Variants in ADAMTS19 observed in about 807,000 individuals in gnomAD.
ADAMTS19 encodes the protein A disintegrin and metalloproteinase with thrombospondin motifs 19.
Under a neutral mutation model 153.3 loss-of-function variants are expected in ADAMTS19, and 93 were observed. The observed-to-expected ratio is 0.61, with a 90% CI of 0.51 to 0.72. The LOEUF is 0.72. ADAMTS19 is among the 30% of genes least tolerant of loss of function. ADAMTS19 has a pLI of 0.00. For missense variants in ADAMTS19, 1,482 were observed against 1,552.1 expected (o/e 0.95, Z 0.76); for synonymous variants, 600 against 556.6 (o/e 1.08, Z -1.10).
chr5:129,523,440 G>A (rs114908248), intron 3 of ADAMTS19, among the ~76,000 whole-genome samples: 1,648 of 152,280 alleles, frequency 0.011, 17 homozygotes, highest in Non-Finnish European at 0.016. Flanking sequence ...TAGCAGCTTA[G>A]AGACATCAAC....
intron 2 of ADAMTS19, among the ~76,000 whole-genome samples, chr5:129,487,674 T>C (rs1286987708): frequency 6.6e-6 from 1 of 152,112 alleles, no homozygotes; most frequent in East Asian, 1.9e-4. Context: ...TGTAAGATAA[T>C]GAACACGTTG....
At chr5:129,548,151 C>T in intron 6 of ADAMTS19, among the ~76,000 whole-genome samples, 2 of 150,406 alleles carry the variant, frequency 1.3e-5, no homozygotes, top group Non-Finnish European at 2.9e-5. Flanking sequence ...AAAGCAATGG[C>T]AACAAAAGCC....
intron 3 of ADAMTS19, among the ~76,000 whole-genome samples, chr5:129,518,736 G>C (rs1359632132): frequency 2.6e-5 from 4 of 151,842 alleles, no homozygotes; most frequent in Admixed American, 2.6e-4. Context: ...CTTTTTCTAG[G>C]TTTGGGAAGT....
chr5:129,574,283 C>T (rs943485194), intron 7 of ADAMTS19, among the ~76,000 whole-genome samples: 13 of 151,876 alleles, frequency 8.6e-5, no homozygotes, highest in African/African-American at 1.9e-4. Context: ...ACTTTTTTTT[C>T]GGCATTTTTT....
intron 2 of ADAMTS19, among the ~76,000 whole-genome samples, chr5:129,474,575 A>G (rs1162327967): frequency 6.6e-6 from 1 of 152,160 alleles, no homozygotes; most frequent in African/African-American, 2.4e-5. Flanking sequence ...TTTATATACC[A>G]CAAAAATCTC....
At chr5:129,682,758 A>ATGTGTTACGCATT (rs1754880886) in intron 17 of ADAMTS19, among the ~76,000 whole-genome samples, 1 of 152,154 alleles carries the variant, frequency 6.6e-6, no homozygotes, top group South Asian at 2.1e-4. Context: ...AGTACACTGT[A>ATGTGTTACGCATT]TGTGTTACGC....
intron 8 of ADAMTS19, among the ~76,000 whole-genome samples, chr5:129,603,913 A>G (rs1011677863): frequency 2.6e-5 from 4 of 152,208 alleles, no homozygotes; most frequent in Non-Finnish European, 5.9e-5. Flanking sequence ...GAGTTCTTCT[A>G]GCTAACTTTA....
intron 3 of ADAMTS19, among the ~76,000 whole-genome samples, chr5:129,524,417 C>T (rs543940895): frequency 2.6e-5 from 4 of 152,166 alleles, no homozygotes; most frequent in East Asian, 1.9e-4. Flanking sequence ...ATGACTAAAA[C>T]GCCAAAAGCA....
chr5:129,471,450 AGAAG>A (rs141743571), intron 2 of ADAMTS19, among the ~76,000 whole-genome samples: 1,839 of 146,608 alleles, frequency 0.013, 27 homozygotes, highest in African/African-American at 0.035. Context: ...AGAAAGAAAA[AGAAG>A]GAAGGAAGGA....
At chr5:129,664,303 G>A (rs1753940098) in intron 15 of ADAMTS19, among the ~76,000 whole-genome samples, 1 of 152,120 alleles carries the variant, frequency 6.6e-6, no homozygotes, top group African/African-American at 2.4e-5. Context: ...TAAGCTCACT[G>A]AGGGTAGAGA....
chr5:129,529,347 G>A (rs765611713), intron 6 of ADAMTS19, among the ~76,000 whole-genome samples: 3 of 152,188 alleles, frequency 2.0e-5, no homozygotes, highest in East Asian at 1.9e-4. Context: ...TCACAGTAGC[G>A]TAAATTACAC....
chr5:129,700,354 C>T (rs1755775885), intron 19 of ADAMTS19, among the ~76,000 whole-genome samples: 1 of 152,078 alleles, frequency 6.6e-6, no homozygotes, highest in Non-Finnish European at 1.5e-5. Flanking sequence ...CATATCAAAG[C>T]TAGACATTGG....
chr5:129,576,148 GT>G (rs1193220066), intron 7 of ADAMTS19, among the ~76,000 whole-genome samples: 2 of 151,938 alleles, frequency 1.3e-5, no homozygotes, highest in East Asian at 3.9e-4. Flanking sequence ...TTTGGAATGT[GT>G]TCTTTACTAT....
chr5:129,468,673 A>G (rs1749960016), intron 2 of ADAMTS19, among the ~76,000 whole-genome samples: 1 of 152,076 alleles, frequency 6.6e-6, no homozygotes, highest in Non-Finnish European at 1.5e-5. Context: ...TTATCTTAAT[A>G]TAGTTGTAAT....
At chr5:129,555,504 G>A (rs1208487319) in intron 7 of ADAMTS19, among the ~76,000 whole-genome samples, 1 of 152,086 alleles carries the variant, frequency 6.6e-6, no homozygotes, top group Non-Finnish European at 1.5e-5. Context: ...TTAAATCAGG[G>A]CTATGCTACT....
chr5:129,474,821 T>G (rs1750173609), intron 2 of ADAMTS19, among the ~76,000 whole-genome samples: 1 of 152,148 alleles, frequency 6.6e-6, no homozygotes, highest in Non-Finnish European at 1.5e-5. Flanking sequence ...TTAATTCTGT[T>G]TTCCTAGTAA....
rs117497811 is a variant in ADAMTS19, at chr5:129,563,162, G to T, written c.1372+11255G>T. Among the ~76,000 whole-genome samples, 6 of 152,120 alleles carry T rather than the reference G, an allele frequency of 3.9e-5. No individual in the cohort carries two copies. The East Asian group carries it at 1.2e-3, about 29-fold the overall frequency. ...TAATCATTTTTGCCAGGTGAGAAGA[G>T]GTTAAGCTCATTTTAAAATAGCTTA... On this transcript the variant is annotated intron_variant, in intron 7 of 22. Coordinates refer to ENST00000274487, the MANE Select transcript of ADAMTS19 (RefSeq NM_133638.6).
intron 21 of ADAMTS19, among the ~76,000 whole-genome samples, chr5:129,728,737 A>T (rs1178349849): frequency 1.3e-5 from 2 of 152,150 alleles, no homozygotes; most frequent in Non-Finnish European, 2.9e-5. Flanking sequence ...ATTTTATGTC[A>T]TTGTGTTTTG....
chr5:129,599,366 T>C (rs1483345548), intron 8 of ADAMTS19, among the ~76,000 whole-genome samples: 5 of 152,106 alleles, frequency 3.3e-5, no homozygotes, highest in Admixed American at 3.3e-4. Context: ...TAAATATAAT[T>C]CTCATAAAAT....
Sources: gnomAD v4.1 joint callset for allele counts (sites outside exome capture counted in the v4.1 genomes callset) on GRCh38, gnomAD v4.1.1 for gene constraint, MANE v1.5 for transcripts, NCBI Gene and HGNC (gene_info 2026-07-23, HGNC 2026-07-21) for gene names.